CHKA: variants seen among roughly 807,000 people sequenced by gnomAD.
CHKA encodes the protein CHETK-alpha.
A neutral mutation model predicts 60.1 loss-of-function variants in CHKA; 34 were observed. The ratio of observed to expected loss-of-function variants is 0.57; its 90% confidence interval spans 0.43 to 0.75. The LOEUF is 0.75. CHKA is among the 30% of genes least tolerant of loss of function. The probability of loss-of-function intolerance (pLI) is 0.00; values close to 1 mark genes in which losing one functional copy is unlikely to be tolerated. For missense variants in CHKA, 563 were observed against 561.3 expected (o/e 1.00, Z -0.03); for synonymous variants, 217 against 223.1 (o/e 0.97, Z 0.24).
At chr11:68,084,327 C>T (rs1296675896) in intron 2 of CHKA, among the ~76,000 whole-genome samples, 3 of 136,400 alleles carry the variant, frequency 2.2e-5, no homozygotes, top group African/African-American at 5.4e-5. Context: ...TATATATATA[C>T]ACATATACGT....
At chr11:68,096,510 T>C (rs893654609) in intron 2 of CHKA, among the ~76,000 whole-genome samples, 3 of 152,200 alleles carry the variant, frequency 2.0e-5, no homozygotes, top group Non-Finnish European at 4.4e-5. Context: ...GATTATCTAA[T>C]ATAAAACTTT....
At chr11:68,118,504 A>G (rs1446569863) in intron 1 of CHKA, among the ~76,000 whole-genome samples, 1 of 152,212 alleles carries the variant, frequency 6.6e-6, no homozygotes, top group African/African-American at 2.4e-5. Flanking sequence ...AGCTGGAGCC[A>G]TAATAACTGC....
At chr11:68,107,144 TGGGA>T (rs1857943569) in intron 1 of CHKA, among the ~76,000 whole-genome samples, 1 of 151,894 alleles carries the variant, frequency 6.6e-6, no homozygotes, top group African/African-American at 2.4e-5. Flanking sequence ...CCCAGCTACT[TGGGA>T]GGCTTAGGCA....
intron 1 of CHKA, among the ~76,000 whole-genome samples, chr11:68,112,031 C>A (rs559840910): frequency 2.2e-5 from 2 of 90,098 alleles, no homozygotes; most frequent in African/African-American, 9.0e-5. Flanking sequence ...CCAGCCTGGG[C>A]AACAACAGCA....
intron 1 of CHKA, among the ~76,000 whole-genome samples, chr11:68,111,280 T>G (rs954083307): frequency 4.0e-5 from 6 of 151,752 alleles, no homozygotes; most frequent in Non-Finnish European, 8.8e-5. Context: ...GGCGTGGTGG[T>G]GGGCGCCTGT....
chr11:68,090,229 G>A (rs966185488), intron 2 of CHKA, among the ~76,000 whole-genome samples: 1 of 152,188 alleles, frequency 6.6e-6, no homozygotes, highest in Non-Finnish European at 1.5e-5. Flanking sequence ...AAATGGGAAC[G>A]CACAACACTA....
In CHKA at chr11:68,091,579, G is replaced by C. The variant is rs150337693; in HGVS notation, c.462+5440C>G. 7.6e-4 allele frequency among the ~76,000 whole-genome samples: 115 copies of C among 152,262 alleles called. 2 individuals carry two copies. The East Asian group carries it at 0.02, about 26-fold the overall frequency. On this transcript the variant is annotated intron_variant, in intron 2 of 11. Transcript: ENST00000265689. ...TCCGTCTCATCTTAGATAGAAATAGGGGCTAGAAGAGACAGATGTTTGTGG... is the reference window on the plus strand; with the variant it reads ...TCCGTCTCATCTTAGATAGAAATAGCGGCTAGAAGAGACAGATGTTTGTGG...
chr11:68,058,518 C>CATAT (rs1450141119), intron 11 of CHKA, among the ~76,000 whole-genome samples: 2 of 152,140 alleles, frequency 1.3e-5, no homozygotes, highest in Admixed American at 1.3e-4. Flanking sequence ...TTCCAATGTA[C>CATAT]ATATCTTACA....
intron 3 of CHKA, among the ~76,000 whole-genome samples, chr11:68,079,363 A>T (rs1856900274): frequency 6.9e-6 from 1 of 144,260 alleles, no homozygotes; most frequent in African/African-American, 2.6e-5. Context: ...GGAGTTTCGC[A>T]CTGTCGCCCA....
intron 1 of CHKA, among the ~76,000 whole-genome samples, chr11:68,098,718 G>C (rs977980642): frequency 1.3e-5 from 2 of 151,914 alleles, no homozygotes; most frequent in African/African-American, 4.8e-5. Flanking sequence ...TTTTCAGAGA[G>C]GGTTTTGCTC....
Position 68,121,298 on chromosome 11 carries a change from C to G in CHKA, c.-121G>C. 1 of 780,898 alleles carries G rather than the reference C, an allele frequency of 1.3e-6. No individual in the cohort carries two copies. The highest frequency in any genetic ancestry group is 1.6e-6 in the Non-Finnish European group (1 of 634,494). 48.4% of individuals were successfully genotyped at this position (780,898 alleles called of 1,614,324 possible). A position where few individuals can be genotyped will look rare whatever the true frequency, so the allele number is the denominator to read the frequency against. ...AGGCCGGCGGGGCAGGGGGCCGCGG[C>G]GGTTGGGCGCGCGGGGCGGCGGCGG... On this transcript the variant is annotated 5_prime_UTR_variant, in exon 1 of 12. Transcript: ENST00000265689.
chr11:68,097,214 G>T, intron 1 of CHKA, 84 bp from the exon 2 acceptor site: 2 of 987,068 alleles, frequency 2.0e-6, no homozygotes, highest in Non-Finnish European at 3.1e-6. Flanking sequence ...TGAAAAGTCA[G>T]GGTTACACAA....
At position 68,120,878 on chromosome 11, in the gene CHKA, G is replaced by A. The variant is rs987321451; in HGVS notation, c.300C>T (p.Pro100=). 8 of 1,355,280 alleles carry A rather than the reference G, an allele frequency of 5.9e-6. No individual in the cohort carries two copies. Among genetic ancestry groups the A allele is most frequent in the Admixed American group, 4.8e-5 (2 of 41,812 alleles). 84.0% of individuals were successfully genotyped at this position (1,355,280 alleles called of 1,614,324 possible). ...RAYLWCKEFL[P]GAWRGLREDE... Reference sequence around the variant, plus strand: ...CCTCGCGGAGGCCCCGCCAGGCGCCGGGCAGGAACTCCTTGCACCACAGAT... The same window carrying A: ...CCTCGCGGAGGCCCCGCCAGGCGCCAGGCAGGAACTCCTTGCACCACAGAT... Residue 100 remains proline, a synonymous_variant, in exon 1 of 12, where the codon CCC becomes CCT. Coordinates refer to ENST00000265689, the MANE Select transcript of CHKA (RefSeq NM_001277.3).
At chr11:68,116,208 A>G (rs1248038548) in intron 1 of CHKA, among the ~76,000 whole-genome samples, 1 of 152,198 alleles carries the variant, frequency 6.6e-6, no homozygotes, top group Admixed American at 6.5e-5. Context: ...ACTTCATGAA[A>G]TCTTGTATCC....
rs758368882 is a variant in CHKA, at chr11:68,120,940, C to G, written c.238G>C (p.Asp80His). Residue 80 changes from aspartate (D) to histidine (H), a missense_variant, in exon 1 of 12, where the codon GAC (aspartate) becomes CAC (histidine). Transcript: ENST00000265689. ...PQPPPPQPPA[D>H]EQPEPRTRRR... is the part of the protein sequence containing the mutation. ...CGCGTCCGGGGCTCCGGCTGCTCGTCTGCGGGCGGCTGCGGCGGCGGGGGC... is the reference window on the plus strand; with the variant it reads ...CGCGTCCGGGGCTCCGGCTGCTCGTGTGCGGGCGGCTGCGGCGGCGGGGGC... 5 of 1,181,136 alleles carry G rather than the reference C, an allele frequency of 4.2e-6. No homozygotes were observed. Among genetic ancestry groups the G allele is most frequent in the Admixed American group, 3.5e-5 (1 of 28,454 alleles). The allele number at this position is 1,181,136 out of a possible 1,614,324, so 73.2% of individuals were successfully genotyped here.
intron 1 of CHKA, among the ~76,000 whole-genome samples, chr11:68,105,065 T>C (rs1223443662): frequency 6.6e-6 from 1 of 150,676 alleles, no homozygotes; most frequent in African/African-American, 2.4e-5. Flanking sequence ...GATCGTACCA[T>C]TGCACTCCAG....
intron 1 of CHKA, among the ~76,000 whole-genome samples, chr11:68,097,615 G>A (rs142149455): frequency 0.02 from 2,524 of 128,408 alleles, 75 homozygotes; most frequent in African/African-American, 0.071. Context: ...CAGCCTGGGC[G>A]ACAGAGCAAG....
At chr11:68,055,699 T>A (rs560973276) in intron 11 of CHKA, among the ~76,000 whole-genome samples, 2 of 152,222 alleles carry the variant, frequency 1.3e-5, no homozygotes, top group East Asian at 3.9e-4. Context: ...CATGAAAAGA[T>A]TCTTACTGGC....
At chr11:68,106,008 T>G (rs1175667749) in intron 1 of CHKA, among the ~76,000 whole-genome samples, 1 of 152,168 alleles carries the variant, frequency 6.6e-6, no homozygotes, top group East Asian at 1.9e-4. Context: ...GCCATAGGGC[T>G]GGCTACATGG....
Sources: gnomAD v4.1 joint callset for allele counts (sites outside exome capture counted in the v4.1 genomes callset) on GRCh38, gnomAD v4.1.1 for gene constraint, MANE v1.5 for transcripts, NCBI Gene and HGNC (gene_info 2026-07-23, HGNC 2026-07-21) for gene names.